The following MECOM variants were observed in gnomAD, a reference collection of about 807,000 sequenced individuals.
MECOM encodes histone-lysine N-methyltransferase MECOM.
Under a neutral mutation model 116.3 loss-of-function variants are expected in MECOM, and 13 were observed. That is an observed-to-expected ratio of 0.11 (90% CI 0.07 to 0.18). MECOM has a LOEUF of 0.18. MECOM is among the 10% of genes least tolerant of loss of function. MECOM has a pLI of 1.00. For missense variants in MECOM, 1,299 were observed against 1,509.0 expected (o/e 0.86, Z 2.31); for synonymous variants, 528 against 535.2 (o/e 0.99, Z 0.19).
intron 2 of MECOM, among the ~76,000 whole-genome samples, chr3:169,204,103 C>A (rs1749584452): frequency 6.6e-6 from 1 of 152,154 alleles, no homozygotes; most frequent in Non-Finnish European, 1.5e-5. Context: ...GGAACCGCTA[C>A]TGGGAGAAGG....
chr3:169,531,023 A>C (rs1035850896), intron 1 of MECOM, among the ~76,000 whole-genome samples: 2 of 152,146 alleles, frequency 1.3e-5, no homozygotes, highest in Non-Finnish European at 2.9e-5. Context: ...AGCTGTCAGC[A>C]CTTCAGATAG....
chr3:169,433,643 AAGAAAG>A (rs1742063228), intron 1 of MECOM, among the ~76,000 whole-genome samples: 1 of 94,670 alleles, frequency 1.1e-5, no homozygotes, highest in African/African-American at 4.5e-5. Flanking sequence ...GAGAAAGAGA[AAGAAAG>A]AAAGAAAGAA....
intron 1 of MECOM, among the ~76,000 whole-genome samples, chr3:169,406,855 T>G (rs1215314347): frequency 1.3e-5 from 2 of 151,664 alleles, no homozygotes; most frequent in African/African-American, 4.8e-5. Context: ...TTTTGTTTTT[T>G]TTTTTTAATG....
chr3:169,267,439 C>T (rs1758446966), intron 2 of MECOM, among the ~76,000 whole-genome samples: 1 of 152,130 alleles, frequency 6.6e-6, no homozygotes, highest in South Asian at 2.1e-4. Flanking sequence ...CTGGATGATC[C>T]TAAGGAAACA....
chr3:169,269,833 C>T (rs1758722052), intron 2 of MECOM, among the ~76,000 whole-genome samples: 2 of 152,064 alleles, frequency 1.3e-5, no homozygotes, highest in Admixed American at 6.6e-5. Flanking sequence ...ACATAAACAC[C>T]TTTGGTTTCT....
At chr3:169,154,700 G>A (rs1488817756) in intron 2 of MECOM, among the ~76,000 whole-genome samples, 1 of 152,136 alleles carries the variant, frequency 6.6e-6, no homozygotes, top group African/African-American at 2.4e-5. Flanking sequence ...ATGAGGCAAT[G>A]TAGGTAAATC....
At chr3:169,327,733 G>T (rs922427450) in intron 2 of MECOM, among the ~76,000 whole-genome samples, 2 of 151,896 alleles carry the variant, frequency 1.3e-5, no homozygotes, top group African/African-American at 4.8e-5. Context: ...TATATCTTTG[G>T]CAATGTATAT....
chr3:169,379,741 T>C (rs1189443450), intron 2 of MECOM, among the ~76,000 whole-genome samples: 1 of 152,134 alleles, frequency 6.6e-6, no homozygotes, highest in African/African-American at 2.4e-5. Flanking sequence ...TGCTTAACTG[T>C]GGAGATTTTG....
In MECOM at chr3:169,088,993, T is replaced by A; in HGVS notation, c.3585+7A>T. The A allele has an allele frequency of 6.3e-7, 1 of 1,577,020 alleles. No individual in the cohort carries two copies. The highest frequency in any genetic ancestry group is 8.6e-7 in the Non-Finnish European group (1 of 1,164,772). On this transcript the variant is annotated splice_region_variant and intron_variant, in intron 16 of 16. Coordinates refer to ENST00000651503, the MANE Select transcript of MECOM (RefSeq NM_004991.4). ...ACCATGATGCTGTACTATGGGAAAA[T>A]CTGTACCTGCGATTTGGACTTTCTG...
chr3:169,584,294 G>A (rs1047580404), intron 1 of MECOM, among the ~76,000 whole-genome samples: 1 of 152,042 alleles, frequency 6.6e-6, no homozygotes, highest in Non-Finnish European at 1.5e-5. Flanking sequence ...GGCCGGGCGC[G>A]GGGGCTCACT....
intron 1 of MECOM, among the ~76,000 whole-genome samples, chr3:169,628,240 G>A (rs1771624644): frequency 6.6e-6 from 1 of 152,210 alleles, no homozygotes; most frequent in Admixed American, 6.5e-5. Context: ...AGCCACATTT[G>A]GAAGTAGTTC....
rs112020476 is a variant in MECOM at position 169,520,051 on chromosome 3, G to T, written c.38-138527C>A. 7.1e-3 allele frequency among the ~76,000 whole-genome samples: 1,089 copies of T among 152,348 alleles called. 17 individuals carry two copies. Among genetic ancestry groups the T allele is most frequent in the African/African-American group, 0.024 (1,011 of 41,588 alleles). On this transcript the variant is annotated intron_variant, in intron 1 of 16. Coordinates refer to ENST00000651503, the MANE Select transcript of MECOM (RefSeq NM_004991.4). ...GACTTCTGTGGAAATCACTGGGAAA[G>T]AGAAAAGCTTTTCTTATTAGTTTGG...
At chr3:169,425,393 A>G (rs1740484225) in intron 1 of MECOM, among the ~76,000 whole-genome samples, 2 of 152,182 alleles carry the variant, frequency 1.3e-5, no homozygotes, top group South Asian at 4.1e-4. Flanking sequence ...CTATCCAGAT[A>G]TGGTCATAGT....
chr3:169,410,644 AAAGTT>A (rs1647110626), intron 1 of MECOM, among the ~76,000 whole-genome samples: 1 of 152,200 alleles, frequency 6.6e-6, no homozygotes, highest in Admixed American at 6.5e-5. Context: ...CCACATTTAC[AAAGTT>A]AAGTGAGTTG....
chr3:169,283,672 G>A (rs1202605480), intron 2 of MECOM, among the ~76,000 whole-genome samples: 1 of 152,060 alleles, frequency 6.6e-6, no homozygotes, highest in Non-Finnish European at 1.5e-5. Context: ...ACTCTAAGTA[G>A]TGAAATTATT....
At chr3:169,401,547 C>T (rs1284242580) in intron 1 of MECOM, among the ~76,000 whole-genome samples, 1 of 152,102 alleles carries the variant, frequency 6.6e-6, no homozygotes, top group Non-Finnish European at 1.5e-5. Flanking sequence ...ATAGTACCCA[C>T]GATCAACGAA....
In MECOM at chr3:169,175,424, A is replaced by G. The variant is rs116357604; in HGVS notation, c.376-31592T>C. Among the ~76,000 whole-genome samples the G allele has an allele frequency of 8.0e-3, 1,221 of 152,294 alleles. 8 individuals are homozygous for G. The highest frequency in any genetic ancestry group is 0.022 in the South Asian group (104 of 4,828). The stretch of plus-strand genomic sequence containing the variant: ...TGTTTCATGCACAAAATTACTAAAA[A>G]TATTCTATAAAATTACCTTCAGGTT... On this transcript the variant is annotated intron_variant, in intron 2 of 16. Coordinates refer to ENST00000651503, the MANE Select transcript of MECOM (RefSeq NM_004991.4).
At chr3:169,325,670 T>C (rs1721712834) in intron 2 of MECOM, among the ~76,000 whole-genome samples, 1 of 152,254 alleles carries the variant, frequency 6.6e-6, no homozygotes, top group Admixed American at 6.5e-5. Flanking sequence ...GACGTCTGAA[T>C]GGCCTTTATT....
At chr3:169,432,018 G>T (rs750872857) in intron 1 of MECOM, among the ~76,000 whole-genome samples, 3 of 150,150 alleles carry the variant, frequency 2.0e-5, no homozygotes, top group East Asian at 1.9e-4. Context: ...TTTTCACATT[G>T]TGTTAGCCAA....
Sources: gnomAD v4.1 joint callset for allele counts (sites outside exome capture counted in the v4.1 genomes callset) on GRCh38, gnomAD v4.1.1 for gene constraint, MANE v1.5 for transcripts, NCBI Gene and HGNC (gene_info 2026-07-23, HGNC 2026-07-21) for gene names.